STAG2: variants seen among roughly 807,000 people sequenced by gnomAD.
STAG2 encodes the protein cohesin subunit SA-2.
A neutral mutation model predicts 108.1 loss-of-function variants in STAG2; 14 were observed. The ratio of observed to expected loss-of-function variants is 0.13; its 90% confidence interval spans 0.09 to 0.20. STAG2 has a LOEUF of 0.20. Among genes scored for constraint, STAG2 ranks in the 10% least tolerant of loss-of-function variants. STAG2 has a pLI of 1.00. For synonymous variants in STAG2, 307 were observed against 302.7 expected (o/e 1.01, Z -0.15); for missense variants, 440 against 940.9 (o/e 0.47, Z 6.96).
At chrX:123,981,753 G>A (rs2054888336) in intron 1 of STAG2, among the ~76,000 whole-genome samples, 1 of 111,423 alleles carries the variant, frequency 9.0e-6, no homozygotes, top group Non-Finnish European at 1.9e-5. Context: ...CACTGGGGAT[G>A]CAGCAGTGAA....
intron 1 of STAG2, among the ~76,000 whole-genome samples, chrX:123,995,589 G>T (rs985882364): frequency 6.3e-5 from 7 of 110,607 alleles, no homozygotes; most frequent in Admixed American, 5.8e-4. Context: ...AGCTACTCGG[G>T]AGGCTGAGGC....
At position 124,070,883 on chromosome X, in the gene STAG2, AC is replaced by A. The variant is rs1415980717; in HGVS notation, c.2359-265del. On this transcript the variant is annotated intron_variant, in intron 24 of 34. Transcript: ENST00000371145. ...TAGTGTGTAACATATTGTACAAGTC[AC>A]TTAATGTTGCTGAAAATTAAAAAAA... Among the ~76,000 whole-genome samples, 3 of 111,582 alleles carry A rather than the reference AC, an allele frequency of 2.7e-5. 1 individual carries two copies. In the Middle Eastern group the frequency reaches 0.014, roughly 517 times the overall value.
chrX:123,972,244 T>G (rs1602632087), intron 1 of STAG2, among the ~76,000 whole-genome samples: 1 of 109,543 alleles, frequency 9.1e-6, no homozygotes, highest in Admixed American at 9.8e-5. Context: ...TCTAGCTAGT[T>G]GACGTTTGGA....
rs1398840745 is a variant in STAG2, at chrX:124,016,376, A to G, written c.-162-4991A>G. 3.6e-5 allele frequency among the ~76,000 whole-genome samples: 4 copies of G among 111,850 alleles called. No individual in the cohort carries two copies. The South Asian group carries it at 1.1e-3, about 31-fold the overall frequency. On this transcript the variant is annotated intron_variant, in intron 1 of 34. Transcript: ENST00000371145. ...TCATAATTTCCTTTTTTGTACTAAC[A>G]ATAAGATTGTAAATAAAAAATTAAA...
intron 20 of STAG2, among the ~76,000 whole-genome samples, chrX:124,064,585 A>T (rs1477141912): frequency 9.1e-6 from 1 of 109,565 alleles, no homozygotes; most frequent in African/African-American, 3.3e-5. Flanking sequence ...CTGGGACTAT[A>T]GGCGTGTGCC....
intron 1 of STAG2, among the ~76,000 whole-genome samples, chrX:123,993,599 G>A (rs1302785102): frequency 9.0e-6 from 1 of 110,974 alleles, no homozygotes; most frequent in African/African-American, 3.3e-5. Flanking sequence ...CAGGGAGAAT[G>A]TTTGCTTCTC....
intron 1 of STAG2, among the ~76,000 whole-genome samples, chrX:124,006,596 G>A (rs937987587): frequency 9.1e-6 from 1 of 109,492 alleles, no homozygotes; most frequent in Non-Finnish European, 1.9e-5. Flanking sequence ...CCACCACCAC[G>A]CCCGGCTAAT....
intron 24 of STAG2, among the ~76,000 whole-genome samples, chrX:124,069,757 T>A (rs1484694338): frequency 9.0e-5 from 10 of 111,210 alleles, no homozygotes. Context: ...ATTGCAGAAT[T>A]CTCTCCAATT....
intron 1 of STAG2, among the ~76,000 whole-genome samples, chrX:123,993,541 C>G (rs996593821): frequency 3.6e-5 from 4 of 110,751 alleles, no homozygotes; most frequent in Admixed American, 2.9e-4. Flanking sequence ...GGGTTCCTGG[C>G]ATTTGAGTGA....
At chrX:123,976,966 G>A (rs967291686) in intron 1 of STAG2, among the ~76,000 whole-genome samples, 6 of 112,227 alleles carry the variant, frequency 5.3e-5, no homozygotes, top group Admixed American at 1.9e-4. Flanking sequence ...AAAAGACAGA[G>A]GAGGAAGTTA....
chrX:124,081,358 T>C, intron 27 of STAG2, 22 bp from the exon 28 acceptor site: 1 of 1,092,674 alleles, frequency 9.2e-7, no homozygotes, highest in South Asian at 2.3e-5. Flanking sequence ...AACTTTAACA[T>C]GCTTTCTTTC....
rs777708814 is a variant in STAG2 at position 124,048,986 on chromosome X, A to G, written c.820-19A>G. 9 of 1,155,961 alleles carry G rather than the reference A, an allele frequency of 7.8e-6. No homozygotes were observed. In the African/African-American group the frequency reaches 1.2e-4, roughly 16 times the overall value. ...TGTCTTCCTTTACAATTGAAAAGAA[A>G]TGATGTGTTTTTTTACAGCTTCAGG... On this transcript the variant is annotated intron_variant, in intron 9 of 34. Transcript: ENST00000371145.
intron 1 of STAG2, among the ~76,000 whole-genome samples, chrX:123,983,601 C>T (rs757181098): frequency 1.4e-4 from 15 of 110,787 alleles, no homozygotes; most frequent in African/African-American, 4.3e-4. Context: ...AGTCATGAGC[C>T]GGACGGATAA....
intron 1 of STAG2, among the ~76,000 whole-genome samples, chrX:123,976,634 G>C (rs2054633635): frequency 9.0e-6 from 1 of 111,541 alleles, no homozygotes; most frequent in African/African-American, 3.3e-5. Context: ...TTACATTAAT[G>C]ATAAAGTTTG....
intron 30 of STAG2, among the ~76,000 whole-genome samples, chrX:124,090,160 CAAAAAA>C (rs758142487): frequency 1.4e-4 from 4 of 28,405 alleles, no homozygotes; most frequent in Non-Finnish European, 2.2e-4. Flanking sequence ...GACTCTGTCT[CAAAAAA>C]AAAAAAAAAA....
chrX:124,006,030 A>G (rs2056271336), intron 1 of STAG2, among the ~76,000 whole-genome samples: 1 of 110,689 alleles, frequency 9.0e-6, no homozygotes, highest in Non-Finnish European at 1.9e-5. Flanking sequence ...TTATTAGAGT[A>G]CCACTCATAT....
chrX:124,092,359 A>G (rs1569521494), intron 32 of STAG2, among the ~76,000 whole-genome samples: 1 of 111,502 alleles, frequency 9.0e-6, no homozygotes, highest in Non-Finnish European at 1.9e-5. Flanking sequence ...TCCTTTTAAT[A>G]TAAGTTCTTA....
intron 1 of STAG2, among the ~76,000 whole-genome samples, chrX:123,976,861 G>A (rs1461680462): frequency 8.9e-6 from 1 of 111,844 alleles, no homozygotes; most frequent in Non-Finnish European, 1.9e-5. Context: ...CCTTTACATG[G>A]TGATACACTG....
intron 17 of STAG2, among the ~76,000 whole-genome samples, chrX:124,062,424 A>G (rs190327577): frequency 3.3e-4 from 37 of 112,139 alleles, no homozygotes; most frequent in African/African-American, 1.2e-3. Flanking sequence ...ATCAAAGACA[A>G]TGTGATGCTT....
Sources: gnomAD v4.1 joint callset for allele counts (sites outside exome capture counted in the v4.1 genomes callset) on GRCh38, gnomAD v4.1.1 for gene constraint, MANE v1.5 for transcripts, NCBI Gene and HGNC (gene_info 2026-07-23, HGNC 2026-07-21) for gene names.